GLI3: variants seen among roughly 807,000 people sequenced by gnomAD.
GLI3 encodes the protein GLI family zinc finger 3.
Under a neutral mutation model 100.8 loss-of-function variants are expected in GLI3, and 20 were observed. The ratio of observed to expected loss-of-function variants is 0.20; its 90% CI spans 0.14 to 0.29. The LOEUF is 0.29. Ranked by LOEUF, GLI3 falls within the 10% of genes least tolerant of loss-of-function variation. The probability of loss-of-function intolerance (pLI) is 1.00; values close to 1 mark genes in which losing one functional copy is unlikely to be tolerated. For missense variants in GLI3, 2,040 were observed against 2,128.5 expected (o/e 0.96, Z 0.82); for synonymous variants, 938 against 860.5 (o/e 1.09, Z -1.58).
chr7:42,011,523 C>T (rs527442494), intron 10 of GLI3, among the ~76,000 whole-genome samples: 8 of 152,140 alleles, frequency 5.3e-5, no homozygotes, highest in African/African-American at 1.7e-4. Flanking sequence ...AACGGATGCA[C>T]GGATAAACAA....
upstream of GLI3, among the ~76,000 whole-genome samples, chr7:42,242,040 C>T (rs1289379856): frequency 6.6e-6 from 1 of 152,156 alleles, no homozygotes; most frequent in African/African-American, 2.4e-5. Context: ...CCTTCCTTCC[C>T]TAGGAACTTA....
intron 2 of GLI3, 190 bp downstream of exon 2, chr7:42,222,940 G>A (rs1788513502): frequency 7.7e-6 from 5 of 652,276 alleles, no homozygotes; most frequent in African/African-American, 3.6e-5. Flanking sequence ...TCAACGTGTA[G>A]GTTGAGTGCC....
intron 3 of GLI3, among the ~76,000 whole-genome samples, chr7:42,111,842 G>A (rs3801183): frequency 0.11 from 16,074 of 152,138 alleles, 925 homozygotes; most frequent in African/African-American, 0.16. Flanking sequence ...TGAGCATTGC[G>A]GGTAAGCTGG....
chr7:42,000,346 T>A (rs572017646), intron 10 of GLI3, among the ~76,000 whole-genome samples: 1 of 152,350 alleles, frequency 6.6e-6, no homozygotes, highest in East Asian at 1.9e-4. Context: ...TTCAAAGCTC[T>A]AGAAACAATG....
intron 3 of GLI3, among the ~76,000 whole-genome samples, chr7:42,084,209 C>CT (rs942809155): frequency 4.6e-5 from 7 of 152,046 alleles, no homozygotes; most frequent in African/African-American, 1.7e-4. Flanking sequence ...ACAATTCATC[C>CT]TTTTTTTTAA....
intron 2 of GLI3, among the ~76,000 whole-genome samples, chr7:42,221,908 T>C (rs1788494172): frequency 1.3e-5 from 2 of 152,232 alleles, no homozygotes; most frequent in South Asian, 4.1e-4. Context: ...AAATTCATTA[T>C]TTTAACTCAG....
intron 10 of GLI3, among the ~76,000 whole-genome samples, chr7:42,010,540 A>C (rs373546594): frequency 6.6e-6 from 1 of 152,198 alleles, no homozygotes; most frequent in Non-Finnish European, 1.5e-5. Context: ...TTGATCAAAG[A>C]GTCTGAAGTT....
chr7:42,095,550 T>C (rs1785320487), intron 3 of GLI3, among the ~76,000 whole-genome samples: 1 of 152,108 alleles, frequency 6.6e-6, no homozygotes, highest in Non-Finnish European at 1.5e-5. Flanking sequence ...GGAGGGGCTC[T>C]GGGAGAAGCA....
intron 5 of GLI3, 59 bp from the exon 6 acceptor site, chr7:42,045,589 C>T: frequency 1.3e-6 from 2 of 1,521,644 alleles, no homozygotes; most frequent in Non-Finnish European, 1.8e-6. Flanking sequence ...AGAAGTTTCT[C>T]TTGAGGCATC....
At chr7:41,995,805 T>C (rs915250692) in intron 10 of GLI3, among the ~76,000 whole-genome samples, 2 of 152,288 alleles carry the variant, frequency 1.3e-5, no homozygotes, top group Admixed American at 6.5e-5. Flanking sequence ...AAAGCATCCA[T>C]GCAGACATGC....
chr7:42,084,338 T>C (rs559929969), intron 3 of GLI3, among the ~76,000 whole-genome samples: 11 of 152,348 alleles, frequency 7.2e-5, no homozygotes, highest in African/African-American at 2.2e-4. Flanking sequence ...CTTTACTGCT[T>C]CAGGTATGTC....
intron 2 of GLI3, among the ~76,000 whole-genome samples, chr7:42,217,065 TG>T (rs1417966236): frequency 2.0e-5 from 3 of 152,160 alleles, no homozygotes; most frequent in Non-Finnish European, 4.4e-5. Flanking sequence ...GTCCCATGCG[TG>T]ACAAGAGTGG....
chr7:42,055,038 TAC>T (rs1470923420), intron 4 of GLI3, among the ~76,000 whole-genome samples: 1 of 136,470 alleles, frequency 7.3e-6, no homozygotes, highest in Non-Finnish European at 1.6e-5. Context: ...CATATATGTA[TAC>T]ATATATATAT....
At chr7:42,129,008 A>G (rs578057317) in intron 3 of GLI3, among the ~76,000 whole-genome samples, 1 of 152,336 alleles carries the variant, frequency 6.6e-6, no homozygotes, top group Admixed American at 6.5e-5. Flanking sequence ...CCAGTTCAAG[A>G]TAGCAGGCTG....
chr7:42,026,231 G>C lies in GLI3; in HGVS notation c.1210C>G (p.Gln404Glu). 2 of 1,613,720 alleles carry C rather than the reference G, an allele frequency of 1.2e-6. No homozygotes were observed. The highest frequency in any genetic ancestry group is 1.7e-6 in the Non-Finnish European group (2 of 1,179,804). ...GACTCAGAAGGGCCGGAGCTGACCT[G>C]GACGGGGTTCAGAACCGTAGGGATC... ...PGIPTVLNPV[Q>E]VSSGPSESSQ... is the part of the protein sequence containing the mutation. The change falls in exon 8 of 15, where the codon CAG becomes GAG. Residue 404 changes from glutamine to glutamate, a missense_variant. Transcript: ENST00000395925.
chr7:42,115,213 A>C (rs1031128439), intron 3 of GLI3, among the ~76,000 whole-genome samples: 11 of 132,886 alleles, frequency 8.3e-5, no homozygotes, highest in African/African-American at 3.2e-4. Context: ...ATCTCAGCTC[A>C]CTGCAACTTC....
At chr7:41,971,727 A>G (rs1787369052) in intron 13 of GLI3, among the ~76,000 whole-genome samples, 3 of 151,720 alleles carry the variant, frequency 2.0e-5, no homozygotes, top group Non-Finnish European at 4.4e-5. Context: ...AAACAAAAAA[A>G]CTCACCCCTG....
chr7:42,013,041 G>A (rs556500425), intron 10 of GLI3, among the ~76,000 whole-genome samples: 3 of 152,186 alleles, frequency 2.0e-5, no homozygotes, highest in Non-Finnish European at 2.9e-5. Flanking sequence ...AGATTGGGCC[G>A]GTTATGTTAG....
chr7:42,214,371 C>A (rs373888254), intron 2 of GLI3, among the ~76,000 whole-genome samples: 1 of 151,392 alleles, frequency 6.6e-6, no homozygotes, highest in Admixed American at 6.6e-5. Context: ...TGAAAGAATG[C>A]GGGATGAAGC....
Sources: gnomAD v4.1 joint callset for allele counts (sites outside exome capture counted in the v4.1 genomes callset) on GRCh38, gnomAD v4.1.1 for gene constraint, MANE v1.5 for transcripts, NCBI Gene and HGNC (gene_info 2026-07-23, HGNC 2026-07-21) for gene names.